The following OXR1 variants were observed in gnomAD, a reference collection of about 807,000 sequenced individuals.
The protein encoded by OXR1 is oxidation resistance 1, also known as oxidation resistance protein 1.
A neutral mutation model predicts 104.6 loss-of-function variants in OXR1; 41 were observed. The ratio of observed to expected loss-of-function variants is 0.39; its 90% CI spans 0.31 to 0.51. OXR1 has a LOEUF of 0.51. Among genes scored for constraint, OXR1 ranks in the 20% least tolerant of loss-of-function variants. The pLI is 0.77. For missense variants in OXR1, 955 were observed against 1,031.9 expected (o/e 0.93, Z 1.02); for synonymous variants, 348 against 348.4 (o/e 1.00, Z 0.01).
chr8:106,660,940 G>A (rs1340333968), intron 3 of OXR1, among the ~76,000 whole-genome samples: 2 of 152,084 alleles, frequency 1.3e-5, no homozygotes, highest in East Asian at 3.9e-4. Context: ...TTAAACCCAG[G>A]AGGCAAGGTT....
At chr8:106,354,399 C>G (rs1815871535) in intron 1 of OXR1, among the ~76,000 whole-genome samples, 1 of 152,132 alleles carries the variant, frequency 6.6e-6, no homozygotes, top group Admixed American at 6.5e-5. Context: ...ATTTTATGCC[C>G]ATTAGCTCTT....
At chr8:106,597,001 TGAG>T (rs1226492140) in intron 3 of OXR1, among the ~76,000 whole-genome samples, 2 of 151,984 alleles carry the variant, frequency 1.3e-5, no homozygotes, top group Non-Finnish European at 2.9e-5. Context: ...TGCAGTGAGC[TGAG>T]ATCGCACCAC....
chr8:106,656,705 T>G (rs1825119594), intron 3 of OXR1, among the ~76,000 whole-genome samples: 1 of 152,034 alleles, frequency 6.6e-6, no homozygotes, highest in Admixed American at 6.5e-5. Flanking sequence ...CCAGACATTC[T>G]GTATTTTTCA....
chr8:106,495,918 C>T (rs1259080981), intron 2 of OXR1, among the ~76,000 whole-genome samples: 1 of 152,036 alleles, frequency 6.6e-6, no homozygotes, highest in Admixed American at 6.6e-5. Context: ...AGATTTTTAA[C>T]TATAAAATTA....
chr8:106,534,541 T>C (rs182188881), intron 3 of OXR1, among the ~76,000 whole-genome samples: 234 of 152,372 alleles, frequency 1.5e-3, no homozygotes, highest in African/African-American at 5.2e-3. Context: ...AGCAGTTAGC[T>C]GTGACAGTAT....
chr8:106,274,440 G>T (rs932602553), intron 1 of OXR1, among the ~76,000 whole-genome samples: 1 of 152,102 alleles, frequency 6.6e-6, no homozygotes, highest in Non-Finnish European at 1.5e-5. Flanking sequence ...TTATTGGTTT[G>T]TTTCAGAATT....
intron 3 of OXR1, among the ~76,000 whole-genome samples, chr8:106,666,087 A>G (rs547805558): frequency 3.3e-5 from 5 of 152,214 alleles, no homozygotes; most frequent in Admixed American, 6.5e-5. Context: ...ATGTAGTTCA[A>G]TGGTGTAGCT....
At chr8:106,284,355 T>C (rs1444752578) in intron 1 of OXR1, among the ~76,000 whole-genome samples, 2 of 151,968 alleles carry the variant, frequency 1.3e-5, no homozygotes, top group East Asian at 3.9e-4. Flanking sequence ...GGTCAGAGTG[T>C]CTGGGGCAAG....
chr8:106,658,777 C>T (rs926951316), intron 3 of OXR1, among the ~76,000 whole-genome samples: 1 of 152,104 alleles, frequency 6.6e-6, no homozygotes, highest in Non-Finnish European at 1.5e-5. Flanking sequence ...TTCTCAGTTC[C>T]TGTTTATTTT....
chr8:106,413,132 T>A (rs1818527124), intron 2 of OXR1, among the ~76,000 whole-genome samples: 1 of 123,218 alleles, frequency 8.1e-6, no homozygotes, highest in Admixed American at 7.7e-5. Flanking sequence ...ATGCTTTACT[T>A]TTGTAGAAAA....
chr8:106,432,486 G>T (rs7838834), intron 2 of OXR1, among the ~76,000 whole-genome samples: 8,503 of 152,100 alleles, frequency 0.056, 851 homozygotes, highest in African/African-American at 0.19. Context: ...GGGCCTTTGC[G>T]TTTGCTCGTT....
chr8:106,396,858 A>G (rs1817802762), intron 2 of OXR1, among the ~76,000 whole-genome samples: 1 of 152,156 alleles, frequency 6.6e-6, no homozygotes, highest in Non-Finnish European at 1.5e-5. Context: ...GAAACTCTCT[A>G]TACTGTATTT....
intron 9 of OXR1, among the ~76,000 whole-genome samples, chr8:106,710,116 G>A (rs572217792): frequency 6.6e-6 from 1 of 152,164 alleles, no homozygotes; most frequent in African/African-American, 2.4e-5. Context: ...GTCCAAACAG[G>A]TGGCAGAATC....
chr8:106,524,718 C>T (rs536866864), intron 3 of OXR1, among the ~76,000 whole-genome samples: 100 of 152,092 alleles, frequency 6.6e-4, no homozygotes, highest in Non-Finnish European at 1.4e-3. Flanking sequence ...ATGAGCACAC[C>T]GGTAAGCAAA....
At chr8:106,287,869 A>G (rs1334176055) in intron 1 of OXR1, among the ~76,000 whole-genome samples, 1 of 152,200 alleles carries the variant, frequency 6.6e-6, no homozygotes, top group Non-Finnish European at 1.5e-5. Flanking sequence ...ATTAGTTCCT[A>G]TTTCTACAAG....
chr8:106,512,638 A>G (rs1586742276), intron 2 of OXR1, among the ~76,000 whole-genome samples: 1 of 152,186 alleles, frequency 6.6e-6, no homozygotes, highest in African/African-American at 2.4e-5. Context: ...GTAGAGTTGT[A>G]TCATGTAGTA....
chr8:106,461,766 C>T lies in OXR1; in HGVS notation c.24-57177C>T, dbSNP rs191716756. Among the ~76,000 whole-genome samples the T allele has an allele frequency of 7.0e-4, 106 of 152,148 alleles. 1 individual carries two copies. In the East Asian group the frequency reaches 0.018, roughly 26 times the overall value. The stretch of plus-strand genomic sequence containing the variant: ...TTTGCAGATCGGAACAGATAATATG[C>T]GCAGTGTCACAAAAATATAAGGAAT... On this transcript the variant is annotated intron_variant, in intron 2 of 16. Coordinates refer to ENST00000517566, the MANE Select transcript of OXR1 (RefSeq NM_001198533.2).
At chr8:106,657,779 C>T in intron 3 of OXR1, 6 of 1,177,786 alleles carry the variant, frequency 5.1e-6, no homozygotes, top group Non-Finnish European at 5.3e-6. Flanking sequence ...TTTTGTCCGT[C>T]TTTTGCTCCC....
intron 2 of OXR1, among the ~76,000 whole-genome samples, chr8:106,400,965 G>A (rs1053104559): frequency 2.6e-5 from 4 of 152,176 alleles, no homozygotes; most frequent in African/African-American, 9.7e-5. Flanking sequence ...ATGGTGAAGA[G>A]TAAGTTGAAG....
Sources: allele counts gnomAD v4.1 joint callset (sites outside exome capture counted in the v4.1 genomes callset), GRCh38; gene constraint gnomAD v4.1.1; transcripts MANE v1.5; gene names NCBI Gene and HGNC (gene_info 2026-07-23, HGNC 2026-07-21).